The following ZC3H12B variants were observed in gnomAD, a reference collection of about 807,000 sequenced individuals.
ZC3H12B encodes zinc finger CCCH-type containing 12B, also known as probable ribonuclease ZC3H12B.
Under a neutral mutation model 43.9 loss-of-function variants are expected in ZC3H12B, and 7 were observed. The ratio of observed to expected loss-of-function variants is 0.16; its 90% CI spans 0.09 to 0.30. ZC3H12B has a LOEUF of 0.30. ZC3H12B is among the 10% of genes least tolerant of loss of function. The pLI is 1.00. For missense variants in ZC3H12B, 475 were observed against 670.2 expected, an observed-to-expected ratio of 0.71 and a Z score of 3.22; for synonymous variants, 222 against 241.7, an observed-to-expected ratio of 0.92 and a Z score of 0.76.
chrX:65,286,126 A>T, the ZC3H12B span, among the ~76,000 whole-genome samples: 1 of 111,990 alleles, frequency 8.9e-6, no homozygotes. Flanking sequence ...TGTTAAACAT[A>T]TGAATATTCA....
chrX:65,458,525 C>A (rs148138519), intron 3 of ZC3H12B, among the ~76,000 whole-genome samples: 8 of 112,068 alleles, frequency 7.1e-5, no homozygotes, highest in African/African-American at 2.3e-4. Flanking sequence ...GACCACAGTG[C>A]AATCAAACTA....
the ZC3H12B span, among the ~76,000 whole-genome samples, chrX:65,091,327 G>A: frequency 9.8e-5 from 11 of 112,111 alleles, no homozygotes; most frequent in Non-Finnish European, 1.9e-4. Context: ...TTTGGAAAGA[G>A]TGTGGCCCTA....
the ZC3H12B span, among the ~76,000 whole-genome samples, chrX:65,223,298 C>T: frequency 1.4e-4 from 15 of 107,889 alleles, no homozygotes; most frequent in East Asian, 3.2e-3. Flanking sequence ...AGGGAGACGC[C>T]GTCTTAAAAA....
chrX:65,352,303 C>T, the ZC3H12B span, among the ~76,000 whole-genome samples: 2 of 111,095 alleles, frequency 1.8e-5, no homozygotes, highest in South Asian at 7.7e-4. Flanking sequence ...ACATCACACA[C>T]CAGGGCCTGT....
At chrX:65,308,118 T>C in the ZC3H12B span, among the ~76,000 whole-genome samples, 631 of 111,160 alleles carry the variant, frequency 5.7e-3, 10 homozygotes, top group African/African-American at 0.019. Flanking sequence ...TTCTCGAAGA[T>C]AGACCATATG....
chrX:65,065,780 A>G, the ZC3H12B span, among the ~76,000 whole-genome samples: 4 of 110,336 alleles, frequency 3.6e-5, no homozygotes, highest in African/African-American at 9.9e-5. Flanking sequence ...AGGTACACCA[A>G]TCAATCATAG....
the ZC3H12B span, among the ~76,000 whole-genome samples, chrX:65,091,659 A>G: frequency 9.0e-6 from 1 of 111,284 alleles, no homozygotes; most frequent in East Asian, 2.8e-4. Flanking sequence ...AATATTATTA[A>G]CCTCATTTTG....
chrX:65,220,543 G>A, the ZC3H12B span, among the ~76,000 whole-genome samples: 20 of 111,989 alleles, frequency 1.8e-4, no homozygotes, highest in African/African-American at 6.5e-4. Flanking sequence ...GGGAGCAGGA[G>A]TAGCTATTCT....
chrX:65,262,731 T>C, the ZC3H12B span, among the ~76,000 whole-genome samples: 1 of 111,302 alleles, frequency 9.0e-6, no homozygotes, highest in Non-Finnish European at 1.9e-5. Flanking sequence ...AAGATCACAA[T>C]GCTAGTAAAG....
At chrX:65,225,395 C>A in the ZC3H12B span, among the ~76,000 whole-genome samples, 1 of 111,868 alleles carries the variant, frequency 8.9e-6, no homozygotes, top group African/African-American at 3.2e-5. Flanking sequence ...CATCAAAGAC[C>A]AACAGTAGAT....
rs184841067 is a variant in ZC3H12B, at chrX:65,436,358, G to A, written n.407+37654G>A. ...CCACAAGGCCCAATGTCCAAAGGTA[G>A]GAGAAGATGAATGTCCCACCTCCAG... On this transcript the variant is annotated intron_variant and non_coding_transcript_variant, in intron 3 of 5. Coordinates refer to the ZC3H12B transcript ENST00000617377. Among the ~76,000 whole-genome samples, 258 of 112,335 alleles carry A rather than the reference G, an allele frequency of 2.3e-3. 2 individuals carry two copies. Among genetic ancestry groups the A allele is most frequent in the African/African-American group, 7.8e-3 (240 of 30,953 alleles).
chrX:65,174,392 T>G, the ZC3H12B span, among the ~76,000 whole-genome samples: 2 of 112,473 alleles, frequency 1.8e-5, no homozygotes, highest in African/African-American at 6.5e-5. Flanking sequence ...AGAATAACAG[T>G]AGCTGCTCTG....
At position 65,408,192 on chromosome X, in the gene ZC3H12B, A is replaced by C. The variant is rs192569776; in HGVS notation, n.407+9488A>C. The C allele has an allele frequency of 3.5e-4, 416 of 1,198,578 alleles. 3 individuals are homozygous for C. The East Asian group carries it at 0.011, about 31-fold the overall frequency. ...ATTAAAGAGGAATTCCAGTTCCTGC[A>C]GGCGCAGTATCACAGCCTTAAATTG... On this transcript the variant is annotated intron_variant and non_coding_transcript_variant, in intron 3 of 5. Transcript: ENST00000617377.
chrX:65,227,096 A>G, the ZC3H12B span, among the ~76,000 whole-genome samples: 34 of 111,376 alleles, frequency 3.1e-4, no homozygotes, highest in African/African-American at 9.8e-4. Flanking sequence ...TCAGCACCAC[A>G]CCACACCTAT....
chrX:65,187,021 G>A, the ZC3H12B span: 1 of 111,763 alleles, frequency 8.9e-6, no homozygotes, highest in African/African-American at 3.3e-5. Flanking sequence ...TTCGTATAAT[G>A]CCTTCTTTTT....
intron 2 of ZC3H12B, among the ~76,000 whole-genome samples, chrX:65,379,143 C>T (rs985984713): frequency 1.5e-4 from 17 of 112,261 alleles, no homozygotes; most frequent in Admixed American, 8.4e-4. Context: ...GTAGGCTCCA[C>T]CTCTGGGGGA....
exon 5 of ZC3H12B, chrX:65,504,423 CA>C (rs2068406296): frequency 8.9e-6 from 1 of 112,532 alleles, no homozygotes; most frequent in Admixed American, 9.4e-5. Flanking sequence ...TTCCTTTGCA[CA>C]TTTTACCTGC....
At chrX:65,295,173 T>C in the ZC3H12B span, among the ~76,000 whole-genome samples, 1 of 111,160 alleles carries the variant, frequency 9.0e-6, no homozygotes. Flanking sequence ...TACAGTGGAA[T>C]AAAATTTAAG....
At chrX:65,057,048 A>C in the ZC3H12B span, among the ~76,000 whole-genome samples, 121 of 111,988 alleles carry the variant, frequency 1.1e-3, no homozygotes, top group African/African-American at 3.6e-3. Flanking sequence ...CCAATTTGCC[A>C]GTCTGTGTCT....
Sources: gnomAD v4.1 joint callset for allele counts (sites outside exome capture counted in the v4.1 genomes callset) on GRCh38, gnomAD v4.1.1 for gene constraint, MANE v1.5 for transcripts, NCBI Gene and HGNC (gene_info 2026-07-23, HGNC 2026-07-21) for gene names.